Variants in CFAP221 observed in about 807,000 individuals in gnomAD.
CFAP221 encodes the protein cilia- and flagella-associated protein 221.
In CFAP221, 97 loss-of-function variants were observed where a neutral mutation model predicts 113.1. That is an observed-to-expected ratio of 0.86 (90% CI 0.73 to 1.02). The LOEUF is 1.02. Ranked by LOEUF, CFAP221 falls within the 50% of genes least tolerant of loss-of-function variation. The pLI is 0.00. For synonymous variants in CFAP221, 331 were observed against 354.4 expected, an observed-to-expected ratio of 0.93 and a Z score of 0.74; for missense variants, 1,025 against 1,013.4, an observed-to-expected ratio of 1.01 and a Z score of -0.16.
chr2:119,622,567 A>T (rs1480758313), intron 14 of CFAP221, among the ~76,000 whole-genome samples: 2 of 152,204 alleles, frequency 1.3e-5, no homozygotes, highest in Non-Finnish European at 2.9e-5. Context: ...CACAACAAAA[A>T]AAGAAAATTT....
chr2:119,566,446 C>T (rs1368078049), intron 6 of CFAP221, among the ~76,000 whole-genome samples: 1 of 152,212 alleles, frequency 6.6e-6, no homozygotes, highest in Non-Finnish European at 1.5e-5. Flanking sequence ...GCTTGCCACT[C>T]TCATTTTTGT....
intron 14 of CFAP221, among the ~76,000 whole-genome samples, chr2:119,616,146 ATACAT>A (rs1256151982): frequency 6.6e-6 from 1 of 152,258 alleles, no homozygotes; most frequent in African/African-American, 2.4e-5. Context: ...CAATGCATGT[ATACAT>A]TATATAAGAA....
intron 13 of CFAP221, among the ~76,000 whole-genome samples, chr2:119,612,550 C>G (rs1272956487): frequency 6.6e-6 from 1 of 152,170 alleles, no homozygotes; most frequent in Non-Finnish European, 1.5e-5. Context: ...CCTGGTCACT[C>G]CCATGACATG....
intron 6 of CFAP221, chr2:119,572,626 T>A: frequency 1.4e-6 from 1 of 691,998 alleles, no homozygotes; most frequent in Non-Finnish European, 2.6e-6. Flanking sequence ...TCCCATCAAC[T>A]CATTTTCCTT....
At chr2:119,558,717 G>A (rs866669071) in intron 3 of CFAP221, among the ~76,000 whole-genome samples, 1 of 152,100 alleles carries the variant, frequency 6.6e-6, no homozygotes, top group South Asian at 2.1e-4. Flanking sequence ...CAGCTACTCA[G>A]GAGCAAATGC....
chr2:119,588,024 A>T (rs1401530011), intron 7 of CFAP221, among the ~76,000 whole-genome samples: 2 of 152,204 alleles, frequency 1.3e-5, no homozygotes, highest in Non-Finnish European at 2.9e-5. Context: ...AAAAAACAGG[A>T]CTTGATTCTC....
chr2:119,564,180 T>G, intron 6 of CFAP221, among the ~76,000 whole-genome samples: 1 of 152,124 alleles, frequency 6.6e-6, no homozygotes, highest in Non-Finnish European at 1.5e-5. Flanking sequence ...TGGTAGAGGC[T>G]TATGGACCGT....
chr2:119,605,421 C>A, intron 11 of CFAP221, 132 bp downstream of exon 11: 1 of 712,884 alleles, frequency 1.4e-6, no homozygotes. Context: ...TGTTTCACTG[C>A]CAGTGGTCCT....
intron 22 of CFAP221, chr2:119,648,535 AT>A (rs1276850775): frequency 9.5e-6 from 2 of 209,626 alleles, no homozygotes; most frequent in East Asian, 3.4e-4. Flanking sequence ...GCTCCGGCAC[AT>A]TAGGAAGACT....
intron 6 of CFAP221, among the ~76,000 whole-genome samples, chr2:119,562,635 G>A (rs1456590733): frequency 6.6e-6 from 1 of 152,174 alleles, no homozygotes; most frequent in Non-Finnish European, 1.5e-5. Context: ...AAAGACAACA[G>A]AATTTCACTA....
At chr2:119,658,657 CTATCTT>C (rs1193488698), downstream of CFAP221, among the ~76,000 whole-genome samples, 1 of 151,992 alleles carries the variant, frequency 6.6e-6, no homozygotes, top group Non-Finnish European at 1.5e-5. Flanking sequence ...TTTCATCTCT[CTATCTT>C]TATGTCTTGT....
chr2:119,547,811 G>C (rs897392864), intron 2 of CFAP221, among the ~76,000 whole-genome samples: 3 of 152,114 alleles, frequency 2.0e-5, no homozygotes, highest in Non-Finnish European at 4.4e-5. Flanking sequence ...GAATTATGAT[G>C]ATCAAAGGGA....
Position 119,651,976 on chromosome 2 carries a change from A to G in CFAP221, c.2321A>G (p.Glu774Gly). The change falls in exon 23 of 24, where the codon GAG (glutamate) becomes GGG (glycine). Residue 774 changes from glutamate to glycine, a missense_variant and splice_region_variant. Glu to Gly is a moderately conservative substitution (Grantham distance 98). Coordinates refer to ENST00000413369, the MANE Select transcript of CFAP221 (RefSeq NM_001271049.2). ...EEDRLETVER[E>G]LCEQNVEVML... ...CTAAACATCTTATTACTTTGCAGTG[A>G]GCTCTGTGAGCAGAATGTAGAAGTT... is the stretch of plus-strand genomic sequence containing the variant. The G allele has an allele frequency of 6.2e-7, 1 of 1,609,832 alleles. No individual in the cohort carries two copies. Among genetic ancestry groups the G allele is most frequent in the Non-Finnish European group, 8.5e-7 (1 of 1,177,714 alleles).
chr2:119,564,088 G>A lies in CFAP221; in HGVS notation c.527+1974G>A, dbSNP rs182104810. 1.2e-4 allele frequency among the ~76,000 whole-genome samples: 19 copies of A among 152,214 alleles called. No individual in the cohort carries two copies. In the East Asian group the frequency reaches 1.3e-3, roughly 11 times the overall value. ...GAAGCAAGGCCTAAAGAGCCTGCAG[G>A]CAGCACTGAGCAGGGGACTGTAAGC... On this transcript the variant is annotated intron_variant, in intron 6 of 23. Transcript: ENST00000413369.
intron 5 of CFAP221, among the ~76,000 whole-genome samples, chr2:119,560,356 C>T (rs1206913970): frequency 6.6e-6 from 1 of 152,232 alleles, no homozygotes. Context: ...CTTCAACATA[C>T]TCCCTTAAAT....
intron 7 of CFAP221, among the ~76,000 whole-genome samples, chr2:119,594,991 G>A (rs557338106): frequency 2.0e-5 from 3 of 152,306 alleles, no homozygotes; most frequent in Admixed American, 2.0e-4. Context: ...CTGCTCAGTG[G>A]TCACAAGGGC....
At chr2:119,601,165 C>G (rs915011630) in intron 7 of CFAP221, 53 bp from the exon 8 acceptor site, 1 of 1,431,740 alleles carries the variant, frequency 7.0e-7, no homozygotes, top group Admixed American at 2.2e-5. Flanking sequence ...CAGCATGTGA[C>G]TGGACTTGGC....
At chr2:119,547,331 G>A (rs1223550829) in intron 2 of CFAP221, among the ~76,000 whole-genome samples, 13 of 152,152 alleles carry the variant, frequency 8.5e-5, no homozygotes, top group East Asian at 1.9e-4. Context: ...AGGCCAAGGC[G>A]GTTGGATCAT....
chr2:119,610,361 G>T (rs1158603551), intron 12 of CFAP221, among the ~76,000 whole-genome samples: 1 of 152,186 alleles, frequency 6.6e-6, no homozygotes, highest in Admixed American at 6.5e-5. Flanking sequence ...CCCCAGGCAT[G>T]TGGTGGAAAC....
Sources: allele counts gnomAD v4.1 joint callset (sites outside exome capture counted in the v4.1 genomes callset), GRCh38; gene constraint gnomAD v4.1.1; transcripts MANE v1.5; gene names NCBI Gene and HGNC (gene_info 2026-07-23, HGNC 2026-07-21).